The following RNF121 variants were observed in gnomAD, a reference collection of about 807,000 sequenced individuals.
RNF121 encodes the protein ring finger protein 121.
RNF121 carries 21 observed loss-of-function variants against 46.5 expected under a neutral mutation model. That is an observed-to-expected ratio of 0.45 (90% CI 0.32 to 0.65). The LOEUF (loss-of-function observed/expected upper bound fraction) is 0.65. RNF121 is among the 30% of genes least tolerant of loss of function. RNF121 has a pLI of 0.04. For missense variants in RNF121, 346 were observed against 416.0 expected, an observed-to-expected ratio of 0.83 and a Z score of 1.46; for synonymous variants, 139 against 144.7, an observed-to-expected ratio of 0.96 and a Z score of 0.28.
intron 3 of RNF121, among the ~76,000 whole-genome samples, chr11:71,971,528 T>A: frequency 6.6e-6 from 1 of 152,190 alleles, no homozygotes; most frequent in East Asian, 1.9e-4. Context: ...GGAGAATAGA[T>A]GAGTAATGAT....
chr11:71,929,264 G>C, intron 1 of RNF121, 140 bp downstream of exon 1: 1 of 1,392,946 alleles, frequency 7.2e-7, no homozygotes, highest in Non-Finnish European at 9.5e-7. Context: ...GGTGCGTGGA[G>C]AGCGAAGTCA....
intron 1 of RNF121, among the ~76,000 whole-genome samples, chr11:71,929,898 A>G (rs1363314660): frequency 2.6e-5 from 4 of 152,204 alleles, no homozygotes; most frequent in Non-Finnish European, 4.4e-5. Flanking sequence ...AGCTTGGGAT[A>G]GGGAAGGCTT....
chr11:71,938,162 C>G (rs567754230), intron 1 of RNF121, among the ~76,000 whole-genome samples: 1 of 152,130 alleles, frequency 6.6e-6, no homozygotes, highest in Non-Finnish European at 1.5e-5. Context: ...CTCCCTGTTG[C>G]CCATAGGATT....
At chr11:71,982,678 T>C (rs2134205701) in intron 3 of RNF121, 83 bp from the exon 4 acceptor site, 2 of 1,440,872 alleles carry the variant, frequency 1.4e-6, no homozygotes, top group East Asian at 2.5e-5. Context: ...CAAGCTAAAA[T>C]AGAAAACAAG....
At chr11:71,973,157 G>T (rs1954456102) in intron 3 of RNF121, among the ~76,000 whole-genome samples, 1 of 151,590 alleles carries the variant, frequency 6.6e-6, no homozygotes, top group African/African-American at 2.4e-5. Flanking sequence ...TTGCACTCCA[G>T]CCTAGGCAAC....
intron 4 of RNF121, chr11:71,983,749 A>C (rs1400125800): frequency 1.3e-5 from 2 of 152,260 alleles, no homozygotes. Context: ...TGGACAAGAA[A>C]GCTCCTGTTG....
intron 3 of RNF121, among the ~76,000 whole-genome samples, chr11:71,965,229 CT>C (rs1291118506): frequency 1.3e-5 from 2 of 151,436 alleles, no homozygotes; most frequent in East Asian, 3.9e-4. Flanking sequence ...GTATATCATC[CT>C]CTTAAACTAA....
rs185094050 is a variant in RNF121, at chr11:71,981,795, T to C, written c.244-966T>C. Reference sequence around the variant, plus strand: ...CTTATCGGAATTTATTGAGGACATATCATATGCCAACAGTTTTCTAGTTTA... The same window carrying C: ...CTTATCGGAATTTATTGAGGACATACCATATGCCAACAGTTTTCTAGTTTA... On this transcript the variant is annotated intron_variant, in intron 3 of 8. Coordinates refer to ENST00000361756, the MANE Select transcript of RNF121 (RefSeq NM_018320.5). Among the ~76,000 whole-genome samples, 95 of 152,294 alleles carry C rather than the reference T, an allele frequency of 6.2e-4. 1 individual carries two copies. In the East Asian group the frequency reaches 0.017, roughly 28 times the overall value.
chr11:71,970,004 G>A (rs1273552957), intron 3 of RNF121, among the ~76,000 whole-genome samples: 1 of 152,166 alleles, frequency 6.6e-6, no homozygotes, highest in East Asian at 1.9e-4. Flanking sequence ...TCACATCTTA[G>A]GTTCATTTGT....
chr11:71,980,475 T>C lies in RNF121; in HGVS notation c.244-2286T>C, dbSNP rs562145550. 2.6e-5 allele frequency among the ~76,000 whole-genome samples: 4 copies of C among 152,296 alleles called. No homozygotes were observed. The South Asian group carries it at 8.3e-4, about 32-fold the overall frequency. Reference sequence around the variant, plus strand: ...GATTCTCCTGCCTCAGCCTCCCAAGTAGCTGGGATTATGGGTGCCCGCCAC... The same window carrying C: ...GATTCTCCTGCCTCAGCCTCCCAAGCAGCTGGGATTATGGGTGCCCGCCAC... On this transcript the variant is annotated intron_variant, in intron 3 of 8. Coordinates refer to ENST00000361756, the MANE Select transcript of RNF121 (RefSeq NM_018320.5).
At chr11:71,964,273 GTTAATGGAATTTT>G (rs1190298938) in intron 3 of RNF121, among the ~76,000 whole-genome samples, 6 of 152,046 alleles carry the variant, frequency 3.9e-5, no homozygotes, top group Non-Finnish European at 8.8e-5. Flanking sequence ...TGATGCCATT[GTTAATGGAATTTT>G]TAAAAATTTC....
intron 1 of RNF121, among the ~76,000 whole-genome samples, chr11:71,938,378 T>C (rs1230964744): frequency 7.4e-6 from 1 of 135,752 alleles, no homozygotes; most frequent in Admixed American, 8.6e-5. Flanking sequence ...TGGAGTGCAG[T>C]GGTAGATCTC....
In RNF121 at chr11:71,996,551, C is replaced by G. The variant is rs1399955485; in HGVS notation, c.*236C>G. 1 of 443,810 alleles carries G rather than the reference C, an allele frequency of 2.3e-6. No individual in the cohort carries two copies. The highest frequency in any genetic ancestry group is 4.0e-5 in the East Asian group (1 of 24,926). 27.5% of individuals were successfully genotyped at this position (443,810 alleles called of 1,614,324 possible). On this transcript the variant is annotated 3_prime_UTR_variant, in exon 9 of 9. Transcript: ENST00000361756. ...ATTTTGATGAATATATTTAAAAAAC[C>G]TTTTTTTATTGTGGAGCATAGGAAT... is the stretch of plus-strand genomic sequence containing the variant.
chr11:71,962,308 A>C, intron 3 of RNF121: 1 of 983,602 alleles, frequency 1.0e-6, no homozygotes, highest in Non-Finnish European at 1.2e-6. Context: ...GCATATATGC[A>C]CTGCAGTAAT....
At chr11:71,987,913 A>G (rs1954799741) in intron 5 of RNF121, among the ~76,000 whole-genome samples, 1 of 152,208 alleles carries the variant, frequency 6.6e-6, no homozygotes, top group Non-Finnish European at 1.5e-5. Flanking sequence ...TAGGAGCCCC[A>G]TTCCCCCAGG....
chr11:71,985,443 AC>A (rs1332321075), intron 4 of RNF121, among the ~76,000 whole-genome samples: 1 of 152,148 alleles, frequency 6.6e-6, no homozygotes, highest in African/African-American at 2.4e-5. Flanking sequence ...GAGTTTTTTG[AC>A]CTAAAATTTC....
chr11:71,951,172 C>T (rs1241124199), intron 1 of RNF121, among the ~76,000 whole-genome samples: 2 of 143,812 alleles, frequency 1.4e-5, no homozygotes, highest in African/African-American at 2.6e-5. Flanking sequence ...TGCGGTAAGC[C>T]GAGATTGTGC....
At chr11:71,991,018 T>C (rs1298427338) in intron 6 of RNF121, among the ~76,000 whole-genome samples, 2 of 152,064 alleles carry the variant, frequency 1.3e-5, no homozygotes, top group Non-Finnish European at 2.9e-5. Context: ...GAACTAAACA[T>C]TGGATATTCA....
chr11:71,943,323 C>T (rs1043457178), intron 1 of RNF121, among the ~76,000 whole-genome samples: 9 of 152,080 alleles, frequency 5.9e-5, no homozygotes, highest in African/African-American at 2.2e-4. Context: ...CATTAGGTGC[C>T]ATGTTAATTA....
Sources: gnomAD v4.1 joint callset for allele counts (sites outside exome capture counted in the v4.1 genomes callset) on GRCh38, gnomAD v4.1.1 for gene constraint, MANE v1.5 for transcripts, NCBI Gene and HGNC (gene_info 2026-07-23, HGNC 2026-07-21) for gene names.